FBN2: variants seen among roughly 807,000 people sequenced by gnomAD.
FBN2 encodes fibrillin 2.
FBN2 carries 105 observed loss-of-function variants against 355.6 expected under a neutral mutation model. The ratio of observed to expected loss-of-function variants is 0.30; its 90% CI spans 0.25 to 0.35. The LOEUF (loss-of-function observed/expected upper bound fraction) is 0.35, where lower values mean the gene tolerates loss of function less well. Among genes scored for constraint, FBN2 ranks in the 10% least tolerant of loss-of-function variants. FBN2 has a pLI of 1.00. For missense variants in FBN2, 3,280 were observed against 3,758.7 expected (o/e 0.87, Z 3.33); for synonymous variants, 1,350 against 1,301.2 (o/e 1.04, Z -0.81).
At chr5:128,269,636 A>G (rs905191600) in intron 62 of FBN2, among the ~76,000 whole-genome samples, 1 of 152,324 alleles carries the variant, frequency 6.6e-6, no homozygotes, top group Admixed American at 6.5e-5. Context: ...CACAATTGCT[A>G]CAAAGAGAAT....
chr5:128,537,400 G>A lies in FBN2; in HGVS notation c.204C>T (p.Ala68=), dbSNP rs774073844. 12 of 1,610,346 alleles carry A rather than the reference G, an allele frequency of 7.5e-6. 1 individual carries two copies. In the South Asian group the frequency reaches 1.1e-4, roughly 15 times the overall value. ...FLAPEYREEG[A]AVASRVRRRG... ...GCCGGCGGACGCGGCTGGCCACTGC[G>A]GCACCCTCCTCGCGATACTCGGGCG... Residue 68 remains alanine (A), a synonymous_variant, in exon 1 of 65, where the codon GCC becomes GCT. Coordinates refer to ENST00000262464, the MANE Select transcript of FBN2 (RefSeq NM_001999.4).
chr5:128,289,896 T>G lies in FBN2; in HGVS notation c.6497A>C (p.His2166Pro). ...TCAAAGCGTACCTTCACGTGTATCA[T>G]GAAGACTAGGGACAGTTCCATGGCC... is the stretch of plus-strand genomic sequence containing the variant. The part of the protein sequence containing the change: ...PYGHGTVPSL[H>P]DTREDVNECL... The change falls in exon 51 of 65, where the codon CAT becomes CCT. Residue 2166 changes from histidine to proline, a missense_variant. Coordinates refer to ENST00000262464, the MANE Select transcript of FBN2 (RefSeq NM_001999.4). The G allele has an allele frequency of 6.3e-7, 1 of 1,595,950 alleles. No homozygotes were observed. The highest frequency in any genetic ancestry group is 8.6e-7 in the Non-Finnish European group (1 of 1,163,668).
chr5:128,281,703 T>C (rs1300784043), intron 55 of FBN2, among the ~76,000 whole-genome samples: 1 of 152,192 alleles, frequency 6.6e-6, no homozygotes, highest in African/African-American at 2.4e-5. Context: ...TTTATTTATT[T>C]GAGACAGAGT....
intron 5 of FBN2, among the ~76,000 whole-genome samples, chr5:128,513,912 T>G (rs575488837): frequency 6.6e-6 from 1 of 152,240 alleles, no homozygotes; most frequent in South Asian, 2.1e-4. Context: ...TGCCAAAAAG[T>G]TAAGTTCCCA....
In FBN2 at chr5:128,302,994, T is replaced by G; in HGVS notation, c.5896A>C (p.Thr1966Pro). Residue 1966 changes from threonine to proline, a missense_variant, in exon 46 of 65, where the codon ACT becomes CCT. Physicochemically the swap from Thr to Pro is conservative, Grantham distance 38. This residue lies in a region of FBN2 where 2,284 missense variants were observed against 2,749.5 expected (regional missense o/e 0.83). Transcript: ENST00000262464. The part of the protein sequence containing the change: ...NCLCYPGFEL[T>P]HNNDCLDIDE... ...TTACCCAGGCAATCATTATTATGAGTGAGTTCAAACCCTGGGTAGCACAGA... is the reference window on the plus strand; with the variant it reads ...TTACCCAGGCAATCATTATTATGAGGGAGTTCAAACCCTGGGTAGCACAGA... The G allele has an allele frequency of 6.3e-7, 1 of 1,590,440 alleles. No homozygotes were observed. The highest frequency in any genetic ancestry group is 8.6e-7 in the Non-Finnish European group (1 of 1,158,656).
At chr5:128,414,987 G>A (rs577855745) in intron 7 of FBN2, among the ~76,000 whole-genome samples, 3 of 151,936 alleles carry the variant, frequency 2.0e-5, no homozygotes, top group African/African-American at 4.8e-5. Context: ...TGTTTTTAAC[G>A]AATGAGTTAT....
chr5:128,279,809 T>C (rs2126810573), intron 56 of FBN2, among the ~76,000 whole-genome samples: 1 of 152,304 alleles, frequency 6.6e-6, no homozygotes, highest in Non-Finnish European at 1.5e-5. Context: ...AAAAGTAACC[T>C]TCCCTGCATT....
intron 5 of FBN2, among the ~76,000 whole-genome samples, chr5:128,518,265 G>A: frequency 6.9e-6 from 1 of 145,306 alleles, no homozygotes; most frequent in African/African-American, 2.5e-5. Context: ...GATCCATAAT[G>A]AGGGATCAAT....
chr5:128,429,287 C>A (rs1489950053), intron 7 of FBN2, among the ~76,000 whole-genome samples: 1 of 152,150 alleles, frequency 6.6e-6, no homozygotes, highest in Non-Finnish European at 1.5e-5. Flanking sequence ...CCACTAAAGG[C>A]AAAACAGTCT....
chr5:128,460,287 T>C (rs1754524078), intron 6 of FBN2, among the ~76,000 whole-genome samples: 1 of 152,014 alleles, frequency 6.6e-6, no homozygotes. Context: ...TACCTAGGAA[T>C]ACAACTTACG....
intron 34 of FBN2, 24 bp from the exon 35 acceptor site, chr5:128,319,025 T>A (rs761369273): frequency 5.1e-6 from 8 of 1,567,674 alleles, no homozygotes; most frequent in Non-Finnish European, 7.0e-6. Context: ...AAAAAAGTAA[T>A]CTCTTATTTA....
At chr5:128,393,095 G>T in intron 10 of FBN2, 40 bp downstream of exon 10, 1 of 1,439,038 alleles carries the variant, frequency 6.9e-7, no homozygotes, top group Non-Finnish European at 9.8e-7. Context: ...GTCACTTGAG[G>T]CAGGAAACTA....
intron 7 of FBN2, among the ~76,000 whole-genome samples, chr5:128,429,426 AT>A (rs1753564012): frequency 6.6e-6 from 1 of 152,230 alleles, no homozygotes; most frequent in Non-Finnish European, 1.5e-5. Flanking sequence ...AATTTTAATT[AT>A]CTTCTTAAAG....
intron 17 of FBN2, among the ~76,000 whole-genome samples, chr5:128,365,835 T>G (rs1240661118): frequency 3.3e-5 from 5 of 151,762 alleles, no homozygotes. Context: ...GATTCTATAT[T>G]GGAATTTTGT....
intron 5 of FBN2, among the ~76,000 whole-genome samples, chr5:128,465,454 AG>A (rs749535809): frequency 2.0e-5 from 3 of 152,242 alleles, no homozygotes; most frequent in Non-Finnish European, 4.4e-5. Context: ...TTTTCTGACT[AG>A]GTGAACAAGA....
At chr5:128,357,471 A>G (rs946536432) in intron 19 of FBN2, 76 bp from the exon 20 acceptor site, 9 of 1,565,184 alleles carry the variant, frequency 5.8e-6, no homozygotes, top group Admixed American at 3.3e-5. Flanking sequence ...AAGCCATGCA[A>G]TGCCAGAATG....
intron 5 of FBN2, among the ~76,000 whole-genome samples, chr5:128,494,826 G>A (rs1755611620): frequency 6.6e-6 from 1 of 152,172 alleles, no homozygotes; most frequent in Non-Finnish European, 1.5e-5. Context: ...GGTGTGGGCA[G>A]TATCAAAAGG....
chr5:128,534,084 C>T (rs183902093), intron 2 of FBN2, among the ~76,000 whole-genome samples: 19 of 152,036 alleles, frequency 1.2e-4, no homozygotes, highest in Middle Eastern at 3.4e-3. Context: ...TTCTGTTGAC[C>T]ATTTTTTATT....
intron 2 of FBN2, among the ~76,000 whole-genome samples, chr5:128,533,222 T>C (rs992747265): frequency 2.6e-5 from 4 of 152,154 alleles, no homozygotes; most frequent in African/African-American, 7.2e-5. Context: ...TATTTCAAAG[T>C]TTCCTCCTCC....
Sources: allele counts gnomAD v4.1 joint callset (sites outside exome capture counted in the v4.1 genomes callset), GRCh38; gene constraint gnomAD v4.1.1; regional missense constraint gnomAD v4.1.1; transcripts MANE v1.5; gene names NCBI Gene and HGNC (gene_info 2026-07-23, HGNC 2026-07-21).